The following RGL1 variants were observed in gnomAD, a reference collection of about 807,000 sequenced individuals.
The protein encoded by RGL1 is ral guanine nucleotide dissociation stimulator like 1, also known as ral guanine nucleotide dissociation stimulator-like 1.
Under a neutral mutation model 95.2 loss-of-function variants are expected in RGL1, and 24 were observed. The observed-to-expected ratio is 0.25, with a 90% confidence interval of 0.18 to 0.35. The LOEUF is 0.35. RGL1 is among the 10% of genes least tolerant of loss of function. The probability of loss-of-function intolerance (pLI) is 1.00; values close to 1 mark genes in which losing one functional copy is unlikely to be tolerated. For synonymous variants in RGL1, 329 were observed against 344.9 expected, an observed-to-expected ratio of 0.95 and a Z score of 0.51; for missense variants, 715 against 936.3, an observed-to-expected ratio of 0.76 and a Z score of 3.08.
At chr1:183,921,252 C>G (rs1669294762) in intron 16 of RGL1, among the ~76,000 whole-genome samples, 1 of 152,130 alleles carries the variant, frequency 6.6e-6, no homozygotes. Flanking sequence ...TTTATTGAAG[C>G]ATAATTTGCA....
chr1:183,750,387 T>C (rs1657916274), intron 2 of RGL1, among the ~76,000 whole-genome samples: 1 of 152,248 alleles, frequency 6.6e-6, no homozygotes, highest in Non-Finnish European at 1.5e-5. Context: ...ATGAAATTCT[T>C]GTGCTGTGTT....
chr1:183,777,015 G>A (rs996644803), intron 2 of RGL1, among the ~76,000 whole-genome samples: 2 of 152,204 alleles, frequency 1.3e-5, no homozygotes, highest in South Asian at 2.1e-4. Flanking sequence ...AATAAAATGA[G>A]CATAGAGGTT....
chr1:183,865,962 G>A (rs1194912169), intron 3 of RGL1, 34 bp from the exon 4 acceptor site: 1 of 1,514,494 alleles, frequency 6.6e-7, no homozygotes, highest in African/African-American at 1.4e-5. Flanking sequence ...ACCACTGACT[G>A]TTTTTGCTTG....
chr1:183,793,112 T>C (rs191707121), intron 2 of RGL1, among the ~76,000 whole-genome samples: 2 of 152,140 alleles, frequency 1.3e-5, no homozygotes, highest in African/African-American at 2.4e-5. Context: ...TGGAACAGAA[T>C]AGAGAAATCA....
intron 3 of RGL1, among the ~76,000 whole-genome samples, chr1:183,848,014 A>G (rs1664560944): frequency 1.3e-5 from 2 of 152,328 alleles, no homozygotes; most frequent in East Asian, 1.9e-4. Context: ...GATACCTTAA[A>G]TCTAGATTCA....
At chr1:183,773,524 G>C (rs780545201) in intron 2 of RGL1, among the ~76,000 whole-genome samples, 42 of 152,218 alleles carry the variant, frequency 2.8e-4, no homozygotes, top group Non-Finnish European at 5.6e-4. Context: ...TGTAATAGAA[G>C]AGCAGACCCA....
At chr1:183,704,049 TC>T (rs1245828757) in intron 1 of RGL1, among the ~76,000 whole-genome samples, 1 of 152,206 alleles carries the variant, frequency 6.6e-6, no homozygotes, top group Non-Finnish European at 1.5e-5. Context: ...TCAGAAGTCC[TC>T]CTTTTCTTCC....
intron 1 of RGL1, among the ~76,000 whole-genome samples, chr1:183,638,745 T>A (rs552587452): frequency 6.6e-6 from 1 of 151,778 alleles, no homozygotes; most frequent in South Asian, 2.1e-4. Flanking sequence ...ATTTTACTTG[T>A]TGTGCAAATA....
intron 1 of RGL1, among the ~76,000 whole-genome samples, chr1:183,702,277 T>A (rs1654644157): frequency 1.3e-5 from 2 of 152,186 alleles, no homozygotes; most frequent in African/African-American, 4.8e-5. Flanking sequence ...CCAACTGCAT[T>A]GCTTCCAGCC....
intron 2 of RGL1, among the ~76,000 whole-genome samples, chr1:183,746,150 T>G (rs1657611498): frequency 6.6e-6 from 1 of 152,162 alleles, no homozygotes; most frequent in South Asian, 2.1e-4. Context: ...ACAACCAACT[T>G]AAGAAATAGT....
At position 183,922,209 on chromosome 1, in the gene RGL1, A is replaced by G. The variant is rs753877318; in HGVS notation, c.2005-13A>G. On this transcript the variant is annotated splice_polypyrimidine_tract_variant and intron_variant, in intron 16 of 17. Coordinates refer to ENST00000360851, the MANE Select transcript of RGL1 (RefSeq NM_001297671.3). ...AGCTAAGTACTTTACAAACCTGTTC[A>G]TTGTCTTTGCAGTTGACGAGCCAGG... is the stretch of plus-strand genomic sequence containing the variant. 1 of 1,609,746 alleles carries G rather than the reference A, an allele frequency of 6.2e-7. No homozygotes were observed. The highest frequency in any genetic ancestry group is 8.5e-7 in the Non-Finnish European group (1 of 1,176,068).
intron 2 of RGL1, among the ~76,000 whole-genome samples, chr1:183,831,726 A>G (rs1197584874): frequency 2.0e-5 from 3 of 152,216 alleles, no homozygotes; most frequent in African/African-American, 7.2e-5. Context: ...CATTAGAAAC[A>G]TATCCATTTA....
intron 13 of RGL1, among the ~76,000 whole-genome samples, chr1:183,905,308 G>A (rs530841147): frequency 4.6e-5 from 7 of 152,264 alleles, no homozygotes; most frequent in Middle Eastern, 3.4e-3. Context: ...TGTCCTCAGC[G>A]TTGTCACCAC....
At chr1:183,753,992 G>C (rs1228597337) in intron 2 of RGL1, among the ~76,000 whole-genome samples, 1 of 151,106 alleles carries the variant, frequency 6.6e-6, no homozygotes, top group African/African-American at 2.4e-5. Flanking sequence ...ATTTTCTCCA[G>C]AGAGAATTTG....
chr1:183,685,826 A>AT (rs1439352895), intron 1 of RGL1, among the ~76,000 whole-genome samples: 1 of 152,302 alleles, frequency 6.6e-6, no homozygotes, highest in East Asian at 1.9e-4. Flanking sequence ...CAGTTAACAA[A>AT]TATTGATGAA....
chr1:183,768,332 A>G (rs755155646), intron 2 of RGL1, among the ~76,000 whole-genome samples: 30 of 152,058 alleles, frequency 2.0e-4, no homozygotes, highest in Non-Finnish European at 3.5e-4. Context: ...AACCTTTTTT[A>G]AAAAACCGAA....
intron 4 of RGL1, among the ~76,000 whole-genome samples, chr1:183,876,647 T>C (rs1400665111): frequency 6.6e-6 from 1 of 152,270 alleles, no homozygotes; most frequent in Non-Finnish European, 1.5e-5. Flanking sequence ...TCTCTTGCAG[T>C]TAATACTACA....
At chr1:183,906,818 C>T (rs983866521) in intron 13 of RGL1, among the ~76,000 whole-genome samples, 194 bp from the exon 14 acceptor site, 3 of 152,134 alleles carry the variant, frequency 2.0e-5, no homozygotes, top group Non-Finnish European at 2.9e-5. Context: ...AGGGAGGAAG[C>T]ACATAAGATA....
chr1:183,666,471 C>A (rs572735893), intron 1 of RGL1, among the ~76,000 whole-genome samples: 8 of 152,198 alleles, frequency 5.3e-5, no homozygotes, highest in African/African-American at 1.7e-4. Context: ...TTTAGAACTT[C>A]GTTGTTTAAT....
Sources: gnomAD v4.1 joint callset for allele counts (sites outside exome capture counted in the v4.1 genomes callset) on GRCh38, gnomAD v4.1.1 for gene constraint, MANE v1.5 for transcripts, NCBI Gene and HGNC (gene_info 2026-07-23, HGNC 2026-07-21) for gene names.